The following VPS13B variants were observed in gnomAD, a reference collection of about 807,000 sequenced individuals.
VPS13B encodes the protein vacuolar protein sorting 13 homolog B.
VPS13B carries 285 observed loss-of-function variants against 426.4 expected under a neutral mutation model. That is an observed-to-expected ratio of 0.67 (90% CI 0.61 to 0.74). The LOEUF (loss-of-function observed/expected upper bound fraction) is 0.74, where lower values mean the gene tolerates loss of function less well. Among genes scored for constraint, VPS13B ranks in the 30% least tolerant of loss-of-function variants. The probability of loss-of-function intolerance (pLI) is 0.00; values close to 1 mark genes in which losing one functional copy is unlikely to be tolerated. For missense variants in VPS13B, 4,537 were observed against 4,782.6 expected, an observed-to-expected ratio of 0.95 and a Z score of 1.51; for synonymous variants, 1,676 against 1,676.4, an observed-to-expected ratio of 1.00 and a Z score of 0.01.
intron 2 of VPS13B, among the ~76,000 whole-genome samples, chr8:99,036,770 C>T (rs944127100): frequency 6.6e-6 from 1 of 152,034 alleles, no homozygotes; most frequent in African/African-American, 2.4e-5. Flanking sequence ...ATCATTGTTA[C>T]ACAAGGCGTA....
At chr8:99,384,171 A>G in intron 19 of VPS13B, 37 bp from the exon 20 acceptor site, 9 of 1,524,638 alleles carry the variant, frequency 5.9e-6, no homozygotes, top group Non-Finnish European at 8.2e-6. Context: ...GTTTTTTATG[A>G]GGACTTATGT....
At chr8:99,673,823 G>T (rs1830816926) in intron 35 of VPS13B, among the ~76,000 whole-genome samples, 2 of 152,016 alleles carry the variant, frequency 1.3e-5, no homozygotes, top group African/African-American at 4.8e-5. Flanking sequence ...TTTGTCTCAA[G>T]AAATTTTTAA....
intron 5 of VPS13B, among the ~76,000 whole-genome samples, chr8:99,109,037 T>G (rs1417330144): frequency 1.3e-5 from 2 of 152,156 alleles, no homozygotes; most frequent in Admixed American, 6.5e-5. Flanking sequence ...CTCTATTTCT[T>G]TGAATAAGCT....
intron 19 of VPS13B, among the ~76,000 whole-genome samples, chr8:99,381,592 G>A (rs897914029): frequency 6.3e-4 from 96 of 152,096 alleles, no homozygotes; most frequent in African/African-American, 2.2e-3. Flanking sequence ...TTTAATAATA[G>A]CTGTTCTATC....
rs1018001319 is a variant in VPS13B, at chr8:99,600,527, C to T, written c.5220+22894C>T. On this transcript the variant is annotated intron_variant, in intron 33 of 61. Coordinates refer to ENST00000357162, the MANE Select transcript of VPS13B (RefSeq NM_152564.5). ...TGGTAAGCCATTGAAGAGTCAAAAA[C>T]AAGAGAATGACATGATCAGATTCAC... Among the ~76,000 whole-genome samples, 3 of 152,074 alleles carry T rather than the reference C, an allele frequency of 2.0e-5. No individual in the cohort carries two copies. In the South Asian group the frequency reaches 6.2e-4, roughly 32 times the overall value.
intron 30 of VPS13B, among the ~76,000 whole-genome samples, chr8:99,537,561 A>T (rs1823322972): frequency 6.6e-6 from 1 of 152,206 alleles, no homozygotes; most frequent in Non-Finnish European, 1.5e-5. Flanking sequence ...TGCAAATGGA[A>T]ATGTATTGCA....
At chr8:99,219,038 G>A (rs1181860597) in intron 17 of VPS13B, among the ~76,000 whole-genome samples, 3 of 152,082 alleles carry the variant, frequency 2.0e-5, no homozygotes, top group Non-Finnish European at 4.4e-5. Flanking sequence ...CCCTACTGTG[G>A]TCATCAGCAT....
chr8:99,774,570 A>T (rs1811653196), intron 40 of VPS13B, among the ~76,000 whole-genome samples: 1 of 152,214 alleles, frequency 6.6e-6, no homozygotes, highest in African/African-American at 2.4e-5. Context: ...ATTGGTCAGA[A>T]AAATGCTCAA....
intron 33 of VPS13B, among the ~76,000 whole-genome samples, chr8:99,635,609 G>A (rs1829036494): frequency 6.6e-6 from 1 of 151,938 alleles, no homozygotes; most frequent in Admixed American, 6.6e-5. Flanking sequence ...AACAAAAATT[G>A]TATTTGTTTT....
chr8:99,800,088 A>G (rs1198076306), intron 43 of VPS13B, among the ~76,000 whole-genome samples: 1 of 152,202 alleles, frequency 6.6e-6, no homozygotes, highest in Non-Finnish European at 1.5e-5. Context: ...TCTGCATAGC[A>G]TCAGAATCTC....
intron 19 of VPS13B, among the ~76,000 whole-genome samples, chr8:99,304,243 G>T (rs970682449): frequency 6.6e-6 from 1 of 152,002 alleles, no homozygotes; most frequent in Non-Finnish European, 1.5e-5. Context: ...ATAATGGCTC[G>T]AGTTTTTGGT....
rs1830186559 is a variant in VPS13B, at chr8:99,660,656, C to T, written c.5909-698C>T. On this transcript the variant is annotated intron_variant, in intron 34 of 61. Transcript: ENST00000357162. ...AGTATTAAAAAGCAAATTAAGTTTACCACAACCAATAGCCAAAAATACTTT... is the reference window on the plus strand; with the variant it reads ...AGTATTAAAAAGCAAATTAAGTTTATCACAACCAATAGCCAAAAATACTTT... Among the ~76,000 whole-genome samples the T allele has an allele frequency of 2.0e-5, 3 of 150,926 alleles. 1 individual carries two copies. In the South Asian group the frequency reaches 6.5e-4, roughly 33 times the overall value.
At chr8:99,108,884 T>G (rs979874154) in intron 5 of VPS13B, among the ~76,000 whole-genome samples, 1 of 152,106 alleles carries the variant, frequency 6.6e-6, no homozygotes, top group Admixed American at 6.6e-5. Flanking sequence ...GGAAATGATT[T>G]TGGAAGAATT....
intron 35 of VPS13B, among the ~76,000 whole-genome samples, chr8:99,665,103 A>G (rs370211768): frequency 1.0e-3 from 153 of 152,178 alleles, no homozygotes; most frequent in Non-Finnish European, 1.9e-3. Context: ...TTTTTTGGCT[A>G]CATAAATGTC....
intron 19 of VPS13B, among the ~76,000 whole-genome samples, chr8:99,306,057 G>A (rs868630321): frequency 2.6e-5 from 4 of 152,052 alleles, no homozygotes; most frequent in Non-Finnish European, 2.9e-5. Context: ...TTTCGCTTAT[G>A]TTTGGCGCAT....
intron 19 of VPS13B, among the ~76,000 whole-genome samples, chr8:99,323,254 G>A (rs939133569): frequency 1.3e-5 from 2 of 152,168 alleles, no homozygotes; most frequent in African/African-American, 4.8e-5. Flanking sequence ...CAGAGACAGA[G>A]ATTTCTTAGT....
chr8:99,407,796 C>A (rs1815412589), intron 21 of VPS13B, among the ~76,000 whole-genome samples: 1 of 152,032 alleles, frequency 6.6e-6, no homozygotes, highest in African/African-American at 2.4e-5. Context: ...CAAGTGTTTT[C>A]CAAGCCACAT....
intron 54 of VPS13B, among the ~76,000 whole-genome samples, chr8:99,846,198 T>C (rs184010247): frequency 6.6e-6 from 1 of 152,166 alleles, no homozygotes; most frequent in African/African-American, 2.4e-5. Context: ...CACAAAACCA[T>C]TGCCCTCATG....
At chr8:99,860,796 T>C (rs1267093894) in intron 57 of VPS13B, among the ~76,000 whole-genome samples, 3 of 152,250 alleles carry the variant, frequency 2.0e-5, no homozygotes, top group African/African-American at 7.2e-5. Flanking sequence ...TTGTGGCTAT[T>C]GTGAGCAAAT....
Sources: allele counts gnomAD v4.1 joint callset (sites outside exome capture counted in the v4.1 genomes callset), GRCh38; gene constraint gnomAD v4.1.1; transcripts MANE v1.5; gene names NCBI Gene and HGNC (gene_info 2026-07-23, HGNC 2026-07-21).